The following AUTS2 variants were observed in gnomAD, a reference collection of about 807,000 sequenced individuals.
AUTS2 encodes activator of transcription and developmental regulator AUTS2, also known as autism susceptibility gene 2 protein.
Under a neutral mutation model 112.4 loss-of-function variants are expected in AUTS2, and 17 were observed. The ratio of observed to expected loss-of-function variants is 0.15; its 90% CI spans 0.10 to 0.23. The LOEUF (loss-of-function observed/expected upper bound fraction) is 0.23. Ranked by LOEUF, AUTS2 falls within the 10% of genes least tolerant of loss-of-function variation. AUTS2 has a pLI of 1.00. For synonymous variants in AUTS2, 751 were observed against 702.7 expected (o/e 1.07, Z -1.09); for missense variants, 1,510 against 1,701.6 (o/e 0.89, Z 1.98).
Position 70,088,847 on chromosome 7 carries a change from G to A in AUTS2, c.523-29285G>A, listed in dbSNP as rs552639926. ...CAGGTGTGAGCCACCGCGCCTGTCCGAGACCCATCTTGCTTTCTAATACAG... is the reference window on the plus strand; with the variant it reads ...CAGGTGTGAGCCACCGCGCCTGTCCAAGACCCATCTTGCTTTCTAATACAG... On this transcript the variant is annotated intron_variant, in intron 2 of 18. Transcript: ENST00000342771. 7.9e-5 allele frequency among the ~76,000 whole-genome samples: 12 copies of A among 152,006 alleles called. No homozygotes were observed. In the South Asian group the frequency reaches 2.1e-3, roughly 26 times the overall value.
At chr7:70,701,901 G>C (rs1296562378) in intron 6 of AUTS2, among the ~76,000 whole-genome samples, 22 of 152,188 alleles carry the variant, frequency 1.4e-4, no homozygotes. Flanking sequence ...CAGAGGCACA[G>C]AGAGAGACTT....
At chr7:69,940,082 A>G (rs755926862) in intron 2 of AUTS2, among the ~76,000 whole-genome samples, 25 of 152,176 alleles carry the variant, frequency 1.6e-4, no homozygotes, top group Non-Finnish European at 3.4e-4. Context: ...TGCTATTATT[A>G]TCATTTCTAT....
chr7:70,687,998 C>G (rs1390168384), intron 5 of AUTS2, among the ~76,000 whole-genome samples: 1 of 152,204 alleles, frequency 6.6e-6, no homozygotes, highest in Admixed American at 6.5e-5. Context: ...CTCGGCCTGC[C>G]TCCCAGTGGC....
chr7:69,985,441 T>C lies in AUTS2; in HGVS notation c.522+85943T>C, dbSNP rs983179838. 3.3e-5 allele frequency among the ~76,000 whole-genome samples: 5 copies of C among 152,294 alleles called. No homozygotes were observed. In the South Asian group the frequency reaches 8.3e-4, roughly 25 times the overall value. On this transcript the variant is annotated intron_variant, in intron 2 of 18. Transcript: ENST00000342771. ...GTGGTGATATAGTCTTTTCATTCTC[T>C]ATATTTCAGCCAATATGATCTTTTC...
chr7:69,869,301 G>A lies in AUTS2; in HGVS notation c.310-29985G>A, dbSNP rs546113288. The stretch of plus-strand genomic sequence containing the variant: ...GAAAAGATGTAAGTCCTACTCAGGA[G>A]CCCTTCCTGCCACAGTACCTTCATT... On this transcript the variant is annotated intron_variant, in intron 1 of 18. Transcript: ENST00000342771. Among the ~76,000 whole-genome samples the A allele has an allele frequency of 1.2e-4, 18 of 152,124 alleles. No homozygotes were observed. The East Asian group carries it at 3.3e-3, about 28-fold the overall frequency.
intron 1 of AUTS2, among the ~76,000 whole-genome samples, chr7:69,880,177 G>T (rs542377207): frequency 1.3e-5 from 2 of 152,252 alleles, no homozygotes; most frequent in Admixed American, 6.5e-5. Context: ...GAAAGTGGGG[G>T]TGGGGGTGCC....
At chr7:70,011,003 A>T (rs1282632496) in intron 2 of AUTS2, among the ~76,000 whole-genome samples, 1 of 152,216 alleles carries the variant, frequency 6.6e-6, no homozygotes. Context: ...TGATTTGGTC[A>T]TCAGGCATAA....
Position 69,848,644 on chromosome 7 carries a change from G to C in AUTS2, c.310-50642G>C, listed in dbSNP as rs148948576. Among the ~76,000 whole-genome samples, 26 of 152,210 alleles carry C rather than the reference G, an allele frequency of 1.7e-4. No homozygotes were observed. In the East Asian group the frequency reaches 4.6e-3, roughly 27 times the overall value. On this transcript the variant is annotated intron_variant, in intron 1 of 18. Coordinates refer to ENST00000342771, the MANE Select transcript of AUTS2 (RefSeq NM_015570.4). ...CTGTCATTATTGGTCTCTGCTCTGC[G>C]TGCATCTCTAAAGCAATATTTGTTG...
intron 1 of AUTS2, among the ~76,000 whole-genome samples, chr7:69,817,706 G>A (rs1347426997): frequency 5.9e-5 from 9 of 152,260 alleles, no homozygotes; most frequent in Non-Finnish European, 1.2e-4. Flanking sequence ...CAGAGGTGGA[G>A]TTATGATATT....
At chr7:70,490,781 C>A (rs766863221) in intron 5 of AUTS2, among the ~76,000 whole-genome samples, 4 of 152,206 alleles carry the variant, frequency 2.6e-5, no homozygotes, top group Non-Finnish European at 4.4e-5. Context: ...TCTGATCATT[C>A]AGTCTCATGG....
chr7:70,718,080 C>T (rs1309438848), intron 6 of AUTS2, among the ~76,000 whole-genome samples: 3 of 152,178 alleles, frequency 2.0e-5, no homozygotes, highest in Admixed American at 1.3e-4. Flanking sequence ...ACTGCCTACT[C>T]CCACCACAGC....
Position 70,038,379 on chromosome 7 carries a change from G to C in AUTS2, c.523-79753G>C, listed in dbSNP as rs544802546. Among the ~76,000 whole-genome samples, 5 of 152,256 alleles carry C rather than the reference G, an allele frequency of 3.3e-5. No individual in the cohort carries two copies. The East Asian group carries it at 9.6e-4, about 29-fold the overall frequency. ...AACTTTGATAAACACATCCATAAGA[G>C]TTGCTGCCCACACGGTTTCAAAACT... On this transcript the variant is annotated intron_variant, in intron 2 of 18. Transcript: ENST00000342771.
chr7:70,277,327 G>A (rs770103709), intron 4 of AUTS2, among the ~76,000 whole-genome samples: 1 of 152,202 alleles, frequency 6.6e-6, no homozygotes, highest in Non-Finnish European at 1.5e-5. Context: ...TCAGCAAGGT[G>A]AGAATGATAG....
intron 1 of AUTS2, among the ~76,000 whole-genome samples, chr7:69,882,826 A>C (rs1427409891): frequency 6.6e-6 from 1 of 152,176 alleles, no homozygotes; most frequent in Non-Finnish European, 1.5e-5. Flanking sequence ...AATCTTGAGG[A>C]TATATGGAGA....
chr7:70,722,023 C>G (rs750112581), intron 6 of AUTS2, among the ~76,000 whole-genome samples: 1 of 151,922 alleles, frequency 6.6e-6, no homozygotes, highest in Non-Finnish European at 1.5e-5. Context: ...TGCTTTTTTA[C>G]AAAATAGTGA....
intron 2 of AUTS2, among the ~76,000 whole-genome samples, chr7:70,005,547 C>G (rs1359133563): frequency 6.6e-6 from 1 of 152,150 alleles, no homozygotes; most frequent in African/African-American, 2.4e-5. Context: ...GAATTACCAT[C>G]TAGGGGGCTG....
At chr7:69,789,135 A>T (rs1789504823) in intron 1 of AUTS2, among the ~76,000 whole-genome samples, 1 of 152,192 alleles carries the variant, frequency 6.6e-6, no homozygotes, top group Admixed American at 6.5e-5. Context: ...TTTACCTTAT[A>T]TCAAGAATGC....
chr7:70,756,195 A>G (rs1445749847), intron 6 of AUTS2, among the ~76,000 whole-genome samples: 2 of 152,162 alleles, frequency 1.3e-5, no homozygotes, highest in African/African-American at 4.8e-5. Context: ...TTTAATGGCA[A>G]TTTTGTCATG....
At chr7:70,058,622 GT>G (rs35484796) in intron 2 of AUTS2, among the ~76,000 whole-genome samples, 218 of 143,346 alleles carry the variant, frequency 1.5e-3, no homozygotes, top group Middle Eastern at 3.6e-3. Context: ...CTACATGTAG[GT>G]TTTTTTTTTT....
Sources: gnomAD v4.1 joint callset for allele counts (sites outside exome capture counted in the v4.1 genomes callset) on GRCh38, gnomAD v4.1.1 for gene constraint, MANE v1.5 for transcripts, NCBI Gene and HGNC (gene_info 2026-07-23, HGNC 2026-07-21) for gene names.